Variants in SERINC1 observed in about 807,000 individuals in gnomAD.
SERINC1 encodes the protein serine incorporator 1, also known as tumor differentially expressed protein 2.
Under a neutral mutation model 52.9 loss-of-function variants are expected in SERINC1, and 38 were observed. The ratio of observed to expected loss-of-function variants is 0.72; its 90% CI spans 0.55 to 0.94. The LOEUF is 0.94. Among genes scored for constraint, SERINC1 ranks in the 40% least tolerant of loss-of-function variants. SERINC1 has a pLI of 0.00. For synonymous variants in SERINC1, 198 were observed against 183.1 expected (o/e 1.08, Z -0.66); for missense variants, 471 against 533.9 (o/e 0.88, Z 1.16).
intron 2 of SERINC1, among the ~76,000 whole-genome samples, chr6:122,457,804 C>T (rs999524863): frequency 7.0e-4 from 103 of 147,796 alleles, no homozygotes; most frequent in African/African-American, 1.1e-3. Flanking sequence ...GTAAGACATA[C>T]ATATATATAT....
In SERINC1 at chr6:122,456,571, C is replaced by T; in HGVS notation, c.281G>A (p.Cys94Tyr). 1 of 1,612,830 alleles carries T rather than the reference C, an allele frequency of 6.2e-7. No individual in the cohort carries two copies. Among genetic ancestry groups the T allele is most frequent in the Non-Finnish European group, 8.5e-7 (1 of 1,179,216 alleles). ...LVGYKAVYRL[C>Y]FGLAMFYLLL... ...AAGATAGAACATAGCCAAACCAAAGCACAAACGATATACAGCTTTATAGCC... is the reference window on the plus strand; with the variant it reads ...AAGATAGAACATAGCCAAACCAAAGTACAAACGATATACAGCTTTATAGCC... Residue 94 changes from cysteine to tyrosine, a missense_variant, in exon 3 of 10, where the codon TGC becomes TAC. By Grantham distance (194) the Cys-to-Tyr change is radical. Transcript: ENST00000339697.
intron 1 of SERINC1, among the ~76,000 whole-genome samples, chr6:122,469,771 C>T (rs1348602650): frequency 6.6e-6 from 1 of 152,012 alleles, no homozygotes; most frequent in African/African-American, 2.4e-5. Context: ...ATTGACCAGG[C>T]GGTCTCCCAC....
rs1188192795 is a variant in SERINC1, at chr6:122,444,155, C to T, written c.*889G>A. On this transcript the variant is annotated 3_prime_UTR_variant, in exon 10 of 10. Transcript: ENST00000339697. ...GACCACAGGCATATGCTACAAAGCC[C>T]AGATTATTTTTTATAGAAACAGGGT... 6.6e-6 allele frequency: 1 copy of T among 151,914 alleles called. No homozygotes were observed. Among genetic ancestry groups the T allele is most frequent in the Non-Finnish European group, 1.5e-5 (1 of 68,016 alleles). 9.4% of individuals were successfully genotyped at this position (151,914 alleles called of 1,614,324 possible).
intron 1 of SERINC1, among the ~76,000 whole-genome samples, chr6:122,466,911 C>T (rs964687038): frequency 6.6e-6 from 1 of 152,096 alleles, no homozygotes; most frequent in African/African-American, 2.4e-5. Flanking sequence ...AAAGGTCATA[C>T]AGAAAAAGTT....
intron 3 of SERINC1, chr6:122,454,559 GC>G: frequency 4.0e-6 from 1 of 246,970 alleles, no homozygotes. Context: ...ATGGATTAAA[GC>G]CCAGACCACG....
intron 1 of SERINC1, 25 bp downstream of exon 1, chr6:122,471,674 C>G (rs770099478): frequency 2.5e-6 from 4 of 1,614,116 alleles, no homozygotes; most frequent in South Asian, 1.1e-5. Context: ...CACTAGCACC[C>G]CAGAGGCCGC....
In SERINC1 at chr6:122,453,757, G is replaced by A. The variant is rs764909566; in HGVS notation, c.589+13C>T. Reference sequence around the variant, plus strand: ...TTCAACTATACTGAAGTTGTTCTGCGACGAAAGCTTACCTGCATACCAACA... The same window carrying A: ...TTCAACTATACTGAAGTTGTTCTGCAACGAAAGCTTACCTGCATACCAACA... On this transcript the variant is annotated intron_variant, in intron 5 of 9. Coordinates refer to ENST00000339697, the MANE Select transcript of SERINC1 (RefSeq NM_020755.4). 1.6e-5 allele frequency: 25 copies of A among 1,583,868 alleles called. No homozygotes were observed. The highest frequency in any genetic ancestry group is 6.8e-5 in the East Asian group (3 of 44,192).
intron 7 of SERINC1, among the ~76,000 whole-genome samples, chr6:122,451,307 G>C (rs1774899410): frequency 6.6e-6 from 1 of 152,118 alleles, no homozygotes; most frequent in African/African-American, 2.4e-5. Flanking sequence ...TCAAATTAAG[G>C]AATGTACATT....
At chr6:122,450,319 T>C (rs773343819) in intron 7 of SERINC1, among the ~76,000 whole-genome samples, 2 of 152,230 alleles carry the variant, frequency 1.3e-5, no homozygotes, top group East Asian at 3.9e-4. Context: ...TGACAGCACA[T>C]CTGTTGAAAG....
At position 122,447,111 on chromosome 6, in the gene SERINC1, T is replaced by C; in HGVS notation, c.995+10A>G. The C allele has an allele frequency of 6.2e-7, 1 of 1,605,858 alleles. No homozygotes were observed. The highest frequency in any genetic ancestry group is 8.5e-7 in the Non-Finnish European group (1 of 1,175,864). ...TTGTTTAAAGAAAAAAATTCCATAG[T>C]TTTTCCTACCTGGAATAAAATACAC... On this transcript the variant is annotated intron_variant, in intron 8 of 9. Transcript: ENST00000339697.
intron 1 of SERINC1, among the ~76,000 whole-genome samples, chr6:122,469,965 C>A (rs912611416): frequency 1.3e-5 from 2 of 152,204 alleles, no homozygotes; most frequent in African/African-American, 4.8e-5. Flanking sequence ...CCTTCAATGA[C>A]TATTGGCCTG....
chr6:122,447,808 C>T (rs9320873), intron 7 of SERINC1, among the ~76,000 whole-genome samples: 20,933 of 152,152 alleles, frequency 0.14, 1,555 homozygotes, highest in East Asian at 0.26. Context: ...TTACTCAAGT[C>T]TTATTCTTTT....
chr6:122,456,571 C>G lies in SERINC1; in HGVS notation c.281G>C (p.Cys94Ser). 6.2e-7 allele frequency: 1 copy of G among 1,612,830 alleles called. No homozygotes were observed. Among genetic ancestry groups the G allele is most frequent in the South Asian group, 1.1e-5 (1 of 90,952 alleles). ...AAGATAGAACATAGCCAAACCAAAGCACAAACGATATACAGCTTTATAGCC... is the reference window on the plus strand; with the variant it reads ...AAGATAGAACATAGCCAAACCAAAGGACAAACGATATACAGCTTTATAGCC... ...LVGYKAVYRL[C>S]FGLAMFYLLL... is the part of the protein sequence containing the mutation. The change falls in exon 3 of 10, where the codon TGC becomes TCC. Residue 94 changes from cysteine (C) to serine (S), a missense_variant. Cys to Ser is a moderately radical substitution (Grantham distance 112). Transcript: ENST00000339697.
At chr6:122,454,708 G>A (rs1426688768) in intron 3 of SERINC1, 1 of 153,388 alleles carries the variant, frequency 6.5e-6, no homozygotes, top group Non-Finnish European at 1.5e-5. Flanking sequence ...AGTTAAAGTA[G>A]GCGCTTATGG....
chr6:122,462,420 C>G (rs568401195), intron 1 of SERINC1, among the ~76,000 whole-genome samples: 4 of 152,164 alleles, frequency 2.6e-5, no homozygotes, highest in Admixed American at 1.3e-4. Context: ...ATGGAAGACA[C>G]GAAACTGCCC....
intron 3 of SERINC1, chr6:122,454,517 T>G: frequency 3.5e-6 from 1 of 285,686 alleles, no homozygotes; most frequent in Non-Finnish European, 6.9e-6. Context: ...AAAAAAAATC[T>G]GATAAGAAAG....
At chr6:122,465,029 T>G (rs973682637) in intron 1 of SERINC1, among the ~76,000 whole-genome samples, 7 of 151,862 alleles carry the variant, frequency 4.6e-5, no homozygotes, top group African/African-American at 1.5e-4. Context: ...AGGTTTGGGG[T>G]TTTTTTTCTT....
In SERINC1 at chr6:122,444,293, AACTTTCAAAGTG is replaced by A. The variant is rs1271141814; in HGVS notation, c.*739_*750del. Reference sequence around the variant, plus strand: ...TGAGCTACCGTGCTGGCCCAAAACTAACTTTCAAAGTGACTTTCAAACACTTCCTTCTAACCC... The same window carrying A: ...TGAGCTACCGTGCTGGCCCAAAACTAACTTTCAAACACTTCCTTCTAACCC... On this transcript the variant is annotated 3_prime_UTR_variant, in exon 10 of 10. Coordinates refer to ENST00000339697, the MANE Select transcript of SERINC1 (RefSeq NM_020755.4). The A allele has an allele frequency of 2.0e-5, 3 of 152,186 alleles. No individual in the cohort carries two copies. The highest frequency in any genetic ancestry group is 2.9e-5 in the Non-Finnish European group (2 of 68,070). The allele number at this position is 152,186 out of a possible 1,614,324, so 9.4% of individuals were successfully genotyped here.
In SERINC1 at chr6:122,447,110, G is replaced by T; in HGVS notation, c.995+11C>A. The stretch of plus-strand genomic sequence containing the variant: ...CTTGTTTAAAGAAAAAAATTCCATA[G>T]TTTTTCCTACCTGGAATAAAATACA... On this transcript the variant is annotated intron_variant, in intron 8 of 9. Transcript: ENST00000339697. 6.2e-7 allele frequency: 1 copy of T among 1,605,070 alleles called. No homozygotes were observed. Among genetic ancestry groups the T allele is most frequent in the Non-Finnish European group, 8.5e-7 (1 of 1,175,102 alleles).
Sources: gnomAD v4.1 joint callset for allele counts (sites outside exome capture counted in the v4.1 genomes callset) on GRCh38, gnomAD v4.1.1 for gene constraint, MANE v1.5 for transcripts, NCBI Gene and HGNC (gene_info 2026-07-23, HGNC 2026-07-21) for gene names.